RAB37: variants seen among roughly 807,000 people sequenced by gnomAD.
The protein encoded by RAB37 is RAB37, member RAS oncogene family, also known as ras-related protein Rab-37.
RAB37 carries 29 observed loss-of-function variants against 33.1 expected under a neutral mutation model. The ratio of observed to expected loss-of-function variants is 0.88; its 90% CI spans 0.65 to 1.20. The LOEUF is 1.20. Ranked by LOEUF, RAB37 falls within the 50% of genes most tolerant of loss-of-function variation. RAB37 has a pLI of 0.00. For missense variants in RAB37, 299 were observed against 301.1 expected (o/e 0.99, Z 0.05); for synonymous variants, 128 against 119.5 (o/e 1.07, Z -0.47).
rs554575723 is a variant in RAB37, at chr17:74,726,377, G to A, written c.73-2879G>A. Reference sequence around the variant, plus strand: ...GCTGGAAAATGTCCCGAGAAGACAGGACTGTTTCCTATGATGAAAATTGAT... The same window carrying A: ...GCTGGAAAATGTCCCGAGAAGACAGAACTGTTTCCTATGATGAAAATTGAT... On this transcript the variant is annotated intron_variant, in intron 1 of 7. Transcript: ENST00000340415. Among the ~76,000 whole-genome samples, 25 of 152,134 alleles carry A rather than the reference G, an allele frequency of 1.6e-4. No individual in the cohort carries two copies. In the South Asian group the frequency reaches 2.5e-3, roughly 15 times the overall value.
chr17:74,694,761 T>C (rs1453416401), intron 1 of RAB37: 6 of 202,584 alleles, frequency 3.0e-5, no homozygotes, highest in Non-Finnish European at 5.9e-5. Flanking sequence ...AGGCAATAAA[T>C]AAAGGTTCAT....
At chr17:74,704,670 T>C in intron 1 of RAB37, 1 of 1,614,168 alleles carries the variant, frequency 6.2e-7, no homozygotes, top group Non-Finnish European at 8.5e-7. Context: ...TTAACAAGGA[T>C]CTTGCAGTCA....
rs2031880628 is a variant in RAB37 at position 74,678,151 on chromosome 17, G to A, written c.72+6493G>A. Among the ~76,000 whole-genome samples the A allele has an allele frequency of 2.0e-5, 3 of 152,314 alleles. No homozygotes were observed. The South Asian group carries it at 6.2e-4, about 32-fold the overall frequency. On this transcript the variant is annotated intron_variant, in intron 1 of 7. Coordinates refer to the RAB37 transcript ENST00000340415. The stretch of plus-strand genomic sequence containing the variant: ...TCTCAGGCAAGAGAAACAGTCTGTA[G>A]AGACTGCGAGTGCGAATGGAGATCA...
Position 74,740,809 on chromosome 17 carries a change from C to T in RAB37, c.135C>T (p.Phe45=), listed in dbSNP as rs2034594933. The T allele has an allele frequency of 1.9e-6, 3 of 1,614,176 alleles. No homozygotes were observed. Among genetic ancestry groups the T allele is most frequent in the South Asian group, 1.1e-5 (1 of 91,086 alleles). ...ACACAGGCGTCGGCAAAACATGTTT[C>T]CTGATCCAATTCAAAGACGGGGCCT... ...LGDTGVGKTC[F]LIQFKDGAFL... Residue 45 remains phenylalanine (F), a synonymous_variant, in exon 2 of 9, where the codon TTC becomes TTT. Transcript: ENST00000392613.
upstream of RAB37, chr17:74,736,697 G>A: frequency 6.5e-7 from 1 of 1,535,754 alleles, no homozygotes; most frequent in South Asian, 1.2e-5. Flanking sequence ...ACCAGGCAGA[G>A]GCCCCAAAAC....
intron 1 of RAB37, among the ~76,000 whole-genome samples, chr17:74,708,094 G>A (rs1476716990): frequency 6.8e-6 from 1 of 147,076 alleles, no homozygotes; most frequent in Non-Finnish European, 1.5e-5. Context: ...GTTTCAGTGA[G>A]CCGAGATCAC....
At chr17:74,718,519 C>A (rs953897064) in intron 1 of RAB37, among the ~76,000 whole-genome samples, 1 of 152,078 alleles carries the variant, frequency 6.6e-6, no homozygotes, top group East Asian at 1.9e-4. Context: ...CTCCCCCTGC[C>A]TAGAAAATTT....
chr17:74,708,423 G>A (rs913027159), intron 1 of RAB37, among the ~76,000 whole-genome samples: 9 of 152,076 alleles, frequency 5.9e-5, no homozygotes, highest in Non-Finnish European at 8.8e-5. Context: ...TCCATTTCAC[G>A]AGATTAACAT....
upstream of RAB37, among the ~76,000 whole-genome samples, chr17:74,735,449 T>C (rs1464530561): frequency 1.3e-5 from 2 of 152,092 alleles, no homozygotes; most frequent in Non-Finnish European, 2.9e-5. Flanking sequence ...GGCAGGAGAA[T>C]TGCTTGAACC....
At chr17:74,732,026 A>C (rs113479322) in intron 2 of RAB37, among the ~76,000 whole-genome samples, 17,375 of 151,120 alleles carry the variant, frequency 0.11, 2,884 homozygotes, top group African/African-American at 0.37. Flanking sequence ...ACAACAACAA[A>C]AAAAAAAAAA....
intron 1 of RAB37, among the ~76,000 whole-genome samples, chr17:74,720,514 C>G (rs1452976233): frequency 6.6e-6 from 1 of 152,068 alleles, no homozygotes; most frequent in Admixed American, 6.6e-5. Context: ...TTGCTTGAAC[C>G]CAGGAGGTGG....
At chr17:74,728,164 G>A (rs2034329727) in intron 1 of RAB37, among the ~76,000 whole-genome samples, 1 of 151,392 alleles carries the variant, frequency 6.6e-6, no homozygotes, top group Non-Finnish European at 1.5e-5. Flanking sequence ...GTGCACATGT[G>A]TCTATGTCTG....
At chr17:74,689,369 G>A (rs900246450) in intron 1 of RAB37, among the ~76,000 whole-genome samples, 1 of 152,046 alleles carries the variant, frequency 6.6e-6, no homozygotes, top group Non-Finnish European at 1.5e-5. Flanking sequence ...CTTGAAGTCG[G>A]GAGGCAGAGG....
rs546418108 is a variant in RAB37 at position 74,715,631 on chromosome 17, G to A, written c.73-13625G>A. 2.0e-5 allele frequency among the ~76,000 whole-genome samples: 3 copies of A among 152,320 alleles called. No individual in the cohort carries two copies. The South Asian group carries it at 6.2e-4, about 32-fold the overall frequency. On this transcript the variant is annotated intron_variant, in intron 1 of 7. Transcript: ENST00000340415. Reference sequence around the variant, plus strand: ...TCTTCTCCTGGGCATGAGCAACAAGGAGGGAACAGCACTGTCTGTTAGAAC... The same window carrying A: ...TCTTCTCCTGGGCATGAGCAACAAGAAGGGAACAGCACTGTCTGTTAGAAC...
intron 1 of RAB37, among the ~76,000 whole-genome samples, chr17:74,715,710 G>A (rs2034156803): frequency 6.6e-6 from 1 of 152,136 alleles, no homozygotes; most frequent in Non-Finnish European, 1.5e-5. Flanking sequence ...GCCTCCCCAA[G>A]AAGGATTCCC....
intron 1 of RAB37, among the ~76,000 whole-genome samples, chr17:74,687,699 C>T (rs911281528): frequency 1.2e-4 from 19 of 152,304 alleles, no homozygotes; most frequent in South Asian, 4.1e-4. Context: ...TAGTGACAAC[C>T]TTCATCAGCC....
At chr17:74,674,566 T>C (rs1228992715) in intron 1 of RAB37, among the ~76,000 whole-genome samples, 1 of 152,010 alleles carries the variant, frequency 6.6e-6, no homozygotes, top group African/African-American at 2.4e-5. Context: ...TAATCTCAGC[T>C]ACTAGGGAGG....
At chr17:74,721,905 C>T (rs1181283651) in intron 1 of RAB37, among the ~76,000 whole-genome samples, 1 of 152,134 alleles carries the variant, frequency 6.6e-6, no homozygotes, top group Non-Finnish European at 1.5e-5. Flanking sequence ...CTGACCATTA[C>T]CAAACTTTTA....
At chr17:74,743,419 T>TGTGGAAAGCGG (rs1477234927) in intron 5 of RAB37, 79 bp downstream of exon 5, 3 of 1,446,986 alleles carry the variant, frequency 2.1e-6, no homozygotes, top group African/African-American at 2.8e-5. Flanking sequence ...CTTCCTGCCC[T>TGTGGAAAGCGG]GTGGAAAGCG....
Sources: gnomAD v4.1 joint callset for allele counts (sites outside exome capture counted in the v4.1 genomes callset) on GRCh38, gnomAD v4.1.1 for gene constraint, MANE v1.5 for transcripts, NCBI Gene and HGNC (gene_info 2026-07-23, HGNC 2026-07-21) for gene names.